NSMAF: variants seen among roughly 807,000 people sequenced by gnomAD.
NSMAF encodes the protein protein FAN.
Under a neutral mutation model 134.9 loss-of-function variants are expected in NSMAF, and 90 were observed. The ratio of observed to expected loss-of-function variants is 0.67; its 90% CI spans 0.56 to 0.79. The LOEUF (loss-of-function observed/expected upper bound fraction) is 0.79, where lower values mean the gene tolerates loss of function less well. Ranked by LOEUF, NSMAF falls within the 30% of genes least tolerant of loss-of-function variation. The probability of loss-of-function intolerance (pLI) is 0.00; values close to 1 mark genes in which losing one functional copy is unlikely to be tolerated. For synonymous variants in NSMAF, 358 were observed against 389.6 expected (o/e 0.92, Z 0.96); for missense variants, 1,010 against 1,119.0 (o/e 0.90, Z 1.39).
chr8:58,598,490 C>CAAAAAAAAAAAAAAAAAAA (rs71250204), intron 19 of NSMAF, among the ~76,000 whole-genome samples: 15 of 125,950 alleles, frequency 1.2e-4, no homozygotes, highest in African/African-American at 2.5e-4. Context: ...CTGTCTCAAA[C>CAAAAAAAAAAAAAAAAAAA]AAAAAAAAAA....
chr8:58,594,074 C>G (rs1215316243), intron 23 of NSMAF, among the ~76,000 whole-genome samples, 158 bp downstream of exon 23: 1 of 152,198 alleles, frequency 6.6e-6, no homozygotes, highest in Non-Finnish European at 1.5e-5. Context: ...GGCAAATTAC[C>G]ATGAAACTCT....
At chr8:58,654,324 G>GT (rs1254942784) in intron 1 of NSMAF, among the ~76,000 whole-genome samples, 1 of 152,218 alleles carries the variant, frequency 6.6e-6, no homozygotes, top group Non-Finnish European at 1.5e-5. Flanking sequence ...GCCGGGCGTG[G>GT]TGGCTCACCT....
intron 20 of NSMAF, 83 bp from the exon 21 acceptor site, chr8:58,597,633 T>C (rs964990160): frequency 6.2e-6 from 8 of 1,286,498 alleles, no homozygotes; most frequent in Admixed American, 1.9e-5. Flanking sequence ...TACTGATCAA[T>C]AGGAGGGACT....
At chr8:58,659,209 GC>G (rs1334245195) in intron 1 of NSMAF, 15 of 1,457,198 alleles carry the variant, frequency 1.0e-5, no homozygotes, top group Non-Finnish European at 1.2e-5. Context: ...CCCTGCGAAC[GC>G]CCGGGCTCGC....
chr8:58,589,373 A>T (rs910605961), intron 26 of NSMAF, 79 bp downstream of exon 26: 10 of 1,173,916 alleles, frequency 8.5e-6, no homozygotes, highest in Non-Finnish European at 1.1e-5. Flanking sequence ...TAATATCTGT[A>T]TGTACATTTT....
In NSMAF at chr8:58,599,969, C is replaced by T. The variant is rs757267673; in HGVS notation, c.1332+1G>A. ...ACTCATCAGCTTTATTAACTGCTTA[C>T]CTCTTTAAAATCCGTTGCACCATCC... On this transcript the variant is annotated splice_donor_variant, in intron 17 of 30. Coordinates refer to ENST00000038176, the MANE Select transcript of NSMAF (RefSeq NM_003580.4). LOFTEE classifies it high-confidence loss of function. 5 of 1,613,968 alleles carry T rather than the reference C, an allele frequency of 3.1e-6. No individual in the cohort carries two copies. Among genetic ancestry groups the T allele is most frequent in the African/African-American group, 1.3e-5 (1 of 75,060 alleles).
chr8:58,628,157 T>C (rs1806978740), intron 6 of NSMAF, among the ~76,000 whole-genome samples: 1 of 152,144 alleles, frequency 6.6e-6, no homozygotes, highest in African/African-American at 2.4e-5. Context: ...ATTCAATAAA[T>C]GGTGCTAGGA....
chr8:58,609,719 G>A lies in NSMAF; in HGVS notation c.572C>T (p.Ser191Phe). ...SFDKNRFQNI[S>F]EKLHMECKAE... ...TTTGCATTCCATGTGCAGCTTTTCAGAAATGTTTTGGAACCTGAAAATAGG... is the reference window on the plus strand; with the variant it reads ...TTTGCATTCCATGTGCAGCTTTTCAAAAATGTTTTGGAACCTGAAAATAGG... Residue 191 changes from serine to phenylalanine, a missense_variant, in exon 10 of 31, where the codon TCT becomes TTT. Physicochemically the swap from Ser to Phe is radical, Grantham distance 155. Transcript: ENST00000038176. 6.2e-7 allele frequency: 1 copy of A among 1,614,092 alleles called. No homozygotes were observed. The highest frequency in any genetic ancestry group is 8.5e-7 in the Non-Finnish European group (1 of 1,179,990).
chr8:58,593,164 T>A (rs1206603864), intron 23 of NSMAF, among the ~76,000 whole-genome samples: 4 of 152,168 alleles, frequency 2.6e-5, no homozygotes, highest in African/African-American at 7.2e-5. Flanking sequence ...CAGGTAGAAA[T>A]CCTGGCAAAA....
intron 1 of NSMAF, among the ~76,000 whole-genome samples, chr8:58,655,406 T>C (rs1416651316): frequency 2.0e-5 from 3 of 152,068 alleles, no homozygotes; most frequent in East Asian, 3.9e-4. Context: ...TGTCTTTTTT[T>C]TTTTTTTCTT....
At chr8:58,641,713 T>TATGTCCATTTATATAA (rs1807342959) in intron 2 of NSMAF, among the ~76,000 whole-genome samples, 1 of 152,226 alleles carries the variant, frequency 6.6e-6, no homozygotes, top group African/African-American at 2.4e-5. Context: ...ACCTTGTGCA[T>TATGTCCATTTATATAA]ATGTCCATTT....
At chr8:58,621,917 GCTGT>G (rs1475572654) in intron 9 of NSMAF, among the ~76,000 whole-genome samples, 4 of 152,084 alleles carry the variant, frequency 2.6e-5, no homozygotes, top group African/African-American at 7.2e-5. Context: ...CATTCCGTGG[GCTGT>G]CTGTTTACTC....
At chr8:58,640,834 T>C (rs1012525409) in intron 2 of NSMAF, among the ~76,000 whole-genome samples, 1 of 152,148 alleles carries the variant, frequency 6.6e-6, no homozygotes, top group Non-Finnish European at 1.5e-5. Context: ...ACTAAAGTGC[T>C]GGGATTACGA....
intron 1 of NSMAF, among the ~76,000 whole-genome samples, chr8:58,656,168 G>A (rs1319675922): frequency 2.0e-5 from 3 of 151,660 alleles, no homozygotes; most frequent in African/African-American, 4.8e-5. Flanking sequence ...ACAGGCGCAC[G>A]CCACCATGCC....
At chr8:58,594,026 C>A (rs976549549) in intron 23 of NSMAF, among the ~76,000 whole-genome samples, 2 of 152,186 alleles carry the variant, frequency 1.3e-5, no homozygotes, top group African/African-American at 2.4e-5. Flanking sequence ...CTCTGGGAAA[C>A]CTCATCAGCA....
At chr8:58,659,145 GA>G in intron 1 of NSMAF, 3 of 1,221,992 alleles carry the variant, frequency 2.5e-6, no homozygotes, top group Non-Finnish European at 3.1e-6. Context: ...GCCTGGACCC[GA>G]TTAAGGGGAA....
At chr8:58,645,783 G>C (rs958321475) in intron 1 of NSMAF, among the ~76,000 whole-genome samples, 9 of 152,118 alleles carry the variant, frequency 5.9e-5, no homozygotes, top group Non-Finnish European at 1.0e-4. Flanking sequence ...GCTCACACCT[G>C]TAATCCCAGC....
intron 27 of NSMAF, 55 bp downstream of exon 27, chr8:58,587,563 C>G: frequency 6.7e-7 from 1 of 1,486,722 alleles, no homozygotes; most frequent in African/African-American, 1.4e-5. Flanking sequence ...TTCTTCCAGC[C>G]GAACCCCTAG....
intron 5 of NSMAF, among the ~76,000 whole-genome samples, chr8:58,634,312 TAA>T (rs760187735): frequency 1.1e-4 from 17 of 152,214 alleles, no homozygotes; most frequent in Non-Finnish European, 2.2e-4. Context: ...CAACACATGT[TAA>T]AAGTGTTCTG....
Sources: gnomAD v4.1 joint callset for allele counts (sites outside exome capture counted in the v4.1 genomes callset) on GRCh38, gnomAD v4.1.1 for gene constraint, MANE v1.5 for transcripts, NCBI Gene and HGNC (gene_info 2026-07-23, HGNC 2026-07-21) for gene names.